The following CDH19 variants were observed in gnomAD, a reference collection of about 807,000 sequenced individuals.
The protein encoded by CDH19 is cadherin-19.
Under a neutral mutation model 64.2 loss-of-function variants are expected in CDH19, and 67 were observed. The ratio of observed to expected loss-of-function variants is 1.04; its 90% CI spans 0.86 to 1.28. CDH19 has a LOEUF of 1.28. Among genes scored for constraint, CDH19 ranks in the 50% most tolerant of loss-of-function variants. The pLI, the probability that CDH19 is intolerant of heterozygous loss-of-function variation, is 0.00. For missense variants in CDH19, 1,030 were observed against 929.0 expected (o/e 1.11, Z -1.41); for synonymous variants, 346 against 319.3 (o/e 1.08, Z -0.89).
At position 66,514,262 on chromosome 18, in the gene CDH19, A is replaced by G. The variant is rs114768578; in HGVS notation, c.1459-2577T>C. ...ATCCTAGACTTGTTCTTGTCCTACC[A>G]GATTTACATACAAAATGATACCGTA... On this transcript the variant is annotated intron_variant, in intron 9 of 11. Transcript: ENST00000262150. Among the ~76,000 whole-genome samples, 869 of 151,610 alleles carry G rather than the reference A, an allele frequency of 5.7e-3. 9 individuals carry two copies. The highest frequency in any genetic ancestry group is 0.02 in the African/African-American group (814 of 41,504).
Position 66,591,037 on chromosome 18 carries a change from A to T in CDH19, c.-113+12917T>A, listed in dbSNP as rs373447500. On this transcript the variant is annotated intron_variant, in intron 1 of 11. Coordinates refer to ENST00000262150, the MANE Select transcript of CDH19 (RefSeq NM_021153.4). ...TAAGTCAATGTTGACCCGTAAGTAG[A>T]ATCTGCATAAAATGTAATGATTTGT... 1.2e-4 allele frequency among the ~76,000 whole-genome samples: 18 copies of T among 151,964 alleles called. No individual in the cohort carries two copies. In the East Asian group the frequency reaches 1.7e-3, roughly 15 times the overall value.
rs1187234404 is a variant in CDH19 at position 66,503,385 on chromosome 18, C to T, written c.*1427G>A. 1 of 151,796 alleles carries T rather than the reference C, an allele frequency of 6.6e-6. No homozygotes were observed. The highest frequency in any genetic ancestry group is 1.5e-5 in the Non-Finnish European group (1 of 67,830). 9.4% of individuals were successfully genotyped at this position (151,796 alleles called of 1,614,324 possible). On this transcript the variant is annotated 3_prime_UTR_variant, in exon 12 of 12. Coordinates refer to ENST00000262150, the MANE Select transcript of CDH19 (RefSeq NM_021153.4). ...ACTGAAGCATCAGTCATATTCCAAGCTCTTAACAGAAAAGCAAATACTGAG... is the reference window on the plus strand; with the variant it reads ...ACTGAAGCATCAGTCATATTCCAAGTTCTTAACAGAAAAGCAAATACTGAG...
chr18:66,568,907 G>C (rs936925921), intron 2 of CDH19, among the ~76,000 whole-genome samples, 197 bp from the exon 3 acceptor site: 1 of 151,582 alleles, frequency 6.6e-6, no homozygotes, highest in South Asian at 2.1e-4. Flanking sequence ...TGAATATTTA[G>C]TGTAAAGAAC....
chr18:66,588,637 TAG>T lies in CDH19; in HGVS notation c.-113+15315_-113+15316del, dbSNP rs1425565535. ...ATCTATATCTATATCTATATATATA[TAG>T]ATACAGCTCAGATTTATTTCAGTGT... On this transcript the variant is annotated intron_variant, in intron 1 of 11. Transcript: ENST00000262150. Among the ~76,000 whole-genome samples the T allele has an allele frequency of 8.0e-4, 115 of 143,800 alleles. 29 individuals carry two copies. The highest frequency in any genetic ancestry group is 1.5e-3 in the Admixed American group (21 of 14,354). 94.3% of individuals were successfully genotyped at this position (143,800 alleles called of 152,430 possible). A position where few individuals can be genotyped will look rare whatever the true frequency, so the allele number is the denominator to read the frequency against.
intron 9 of CDH19, among the ~76,000 whole-genome samples, chr18:66,519,261 T>G (rs1985878030): frequency 6.6e-6 from 1 of 152,172 alleles, no homozygotes; most frequent in South Asian, 2.1e-4. Flanking sequence ...ACTTATAATG[T>G]ATGACATGAC....
intron 2 of CDH19, 59 bp from the exon 3 acceptor site, chr18:66,568,769 T>C: frequency 7.3e-7 from 1 of 1,365,388 alleles, no homozygotes; most frequent in Non-Finnish European, 9.8e-7. Context: ...CAAATCAAAA[T>C]CAAGATTTTC....
chr18:66,585,967 G>GA (rs1988566238), intron 1 of CDH19, among the ~76,000 whole-genome samples: 1 of 152,014 alleles, frequency 6.6e-6, no homozygotes, highest in Admixed American at 6.6e-5. Flanking sequence ...CTTAAGGGAT[G>GA]AAAAATATTA....
At chr18:66,597,162 T>TAAAAAAAAAAAAAAAAA (rs71169160) in intron 1 of CDH19, among the ~76,000 whole-genome samples, 21 of 86,256 alleles carry the variant, frequency 2.4e-4, no homozygotes, top group Non-Finnish European at 4.5e-4. Context: ...AATCTTAAGT[T>TAAAAAAAAAAAAAAAAA]AAAAAAAAAA....
Position 66,572,160 on chromosome 18 carries a change from G to T in CDH19, c.45C>A (p.Leu15=). Residue 15 remains leucine, a synonymous_variant, in exon 2 of 12, where the codon CTC becomes CTA. Transcript: ENST00000262150. ...LLLRFMLGIP[L]LWPCLGATEN... Reference sequence around the variant, plus strand: ...CTGTTGCTCCAAGACAAGGCCATAGGAGAGGAATTCCCAACATAAAACGCA... The same window carrying T: ...CTGTTGCTCCAAGACAAGGCCATAGTAGAGGAATTCCCAACATAAAACGCA... 6.2e-7 allele frequency: 1 copy of T among 1,611,308 alleles called. No homozygotes were observed. Among genetic ancestry groups the T allele is most frequent in the Non-Finnish European group, 8.5e-7 (1 of 1,178,262 alleles).
chr18:66,510,560 A>G (rs1387037727), intron 10 of CDH19, among the ~76,000 whole-genome samples: 5 of 143,690 alleles, frequency 3.5e-5, no homozygotes, highest in Non-Finnish European at 7.6e-5. Flanking sequence ...ATAAATAAAT[A>G]AAATAACGTT....
rs1263630782 is a variant in CDH19, at chr18:66,501,201, A to G, written c.*3611T>C. 6.6e-6 allele frequency: 1 copy of G among 152,174 alleles called. No homozygotes were observed. The highest frequency in any genetic ancestry group is 6.5e-5 in the Admixed American group (1 of 15,272). The allele number at this position is 152,174 out of a possible 1,614,324, so 9.4% of individuals were successfully genotyped here. ...GGATTCATTACTACATTAATTCCAG[A>G]AATATTTATTGGTCACTTTCTGTGT... On this transcript the variant is annotated 3_prime_UTR_variant, in exon 12 of 12. Coordinates refer to ENST00000262150, the MANE Select transcript of CDH19 (RefSeq NM_021153.4).
chr18:66,595,034 A>C (rs1988848001), intron 1 of CDH19, among the ~76,000 whole-genome samples: 1 of 151,510 alleles, frequency 6.6e-6, no homozygotes, highest in African/African-American at 2.4e-5. Flanking sequence ...ATTAAAAAAA[A>C]AAGAAAATCA....
chr18:66,539,842 G>A (rs1263754603), intron 7 of CDH19, among the ~76,000 whole-genome samples: 1 of 151,956 alleles, frequency 6.6e-6, no homozygotes, highest in Non-Finnish European at 1.5e-5. Context: ...GTGTATGCAT[G>A]TGTATGTATA....
chr18:66,573,153 T>A (rs1036965524), intron 1 of CDH19, among the ~76,000 whole-genome samples: 1 of 151,700 alleles, frequency 6.6e-6, no homozygotes, highest in African/African-American at 2.4e-5. Context: ...TGTAACTTAA[T>A]AGTTTTGCAT....
At chr18:66,559,188 C>A (rs1322262956) in intron 3 of CDH19, among the ~76,000 whole-genome samples, 3 of 151,548 alleles carry the variant, frequency 2.0e-5, no homozygotes, top group Non-Finnish European at 4.4e-5. Flanking sequence ...AATTGTATTT[C>A]CATGGAAAAT....
chr18:66,540,511 T>A (rs1986847002), intron 7 of CDH19, among the ~76,000 whole-genome samples: 1 of 152,126 alleles, frequency 6.6e-6, no homozygotes, highest in African/African-American at 2.4e-5. Flanking sequence ...TTTGTCACAT[T>A]TCTAGAGGCT....
intron 9 of CDH19, among the ~76,000 whole-genome samples, chr18:66,526,336 G>A (rs1183987451): frequency 1.3e-5 from 2 of 151,876 alleles, no homozygotes; most frequent in Non-Finnish European, 2.9e-5. Context: ...TTTAAGCAGG[G>A]CACAAGAAAA....
chr18:66,582,665 C>T (rs1211917098), intron 1 of CDH19, among the ~76,000 whole-genome samples: 2 of 138,498 alleles, frequency 1.4e-5, no homozygotes, highest in East Asian at 2.2e-4. Flanking sequence ...AAAAAAAAGC[C>T]CTCTGGGACA....
intron 8 of CDH19, among the ~76,000 whole-genome samples, chr18:66,533,353 G>A (rs557897114): frequency 6.6e-6 from 1 of 151,890 alleles, no homozygotes; most frequent in East Asian, 1.9e-4. Context: ...AAAATGAAAA[G>A]GTATTTCTAA....
Sources: allele counts gnomAD v4.1 joint callset (sites outside exome capture counted in the v4.1 genomes callset), GRCh38; gene constraint gnomAD v4.1.1; transcripts MANE v1.5; gene names NCBI Gene and HGNC (gene_info 2026-07-23, HGNC 2026-07-21).